SENP6: variants seen among roughly 807,000 people sequenced by gnomAD.
SENP6 encodes the protein sentrin-specific protease 6.
Under a neutral mutation model 134.5 loss-of-function variants are expected in SENP6, and 41 were observed. The ratio of observed to expected loss-of-function variants is 0.30; its 90% CI spans 0.24 to 0.40. The LOEUF is 0.40. SENP6 is among the 10% of genes least tolerant of loss of function. SENP6 has a pLI of 1.00. For missense variants in SENP6, 1,248 were observed against 1,312.5 expected (o/e 0.95, Z 0.76); for synonymous variants, 395 against 429.8 (o/e 0.92, Z 1.00).
intron 7 of SENP6, among the ~76,000 whole-genome samples, chr6:75,649,096 A>G (rs1336974706): frequency 6.6e-6 from 1 of 152,090 alleles, no homozygotes; most frequent in Admixed American, 6.5e-5. Flanking sequence ...ACCTGAGGTC[A>G]GGAATTCGAG....
At chr6:75,640,110 A>C (rs902384017) in intron 5 of SENP6, among the ~76,000 whole-genome samples, 1 of 152,188 alleles carries the variant, frequency 6.6e-6, no homozygotes, top group African/African-American at 2.4e-5. Context: ...AGTACAAAGG[A>C]GGTACCATGG....
chr6:75,603,264 C>A (rs886577318), intron 1 of SENP6, among the ~76,000 whole-genome samples: 1 of 152,090 alleles, frequency 6.6e-6, no homozygotes, highest in African/African-American at 2.4e-5. Flanking sequence ...TAGACTAAGC[C>A]AGCCTCAAGA....
At chr6:75,674,129 T>C (rs1445791281) in intron 11 of SENP6, among the ~76,000 whole-genome samples, 1 of 150,942 alleles carries the variant, frequency 6.6e-6, no homozygotes, top group East Asian at 1.9e-4. Context: ...TATGCTAGAA[T>C]GTTTCGCAAG....
chr6:75,613,182 T>C (rs1444093981), intron 1 of SENP6, among the ~76,000 whole-genome samples: 3 of 151,734 alleles, frequency 2.0e-5, no homozygotes, highest in Non-Finnish European at 2.9e-5. Flanking sequence ...TTTAAGAGGC[T>C]CATGAGCTCA....
chr6:75,654,563 A>G (rs1249364030), intron 7 of SENP6, among the ~76,000 whole-genome samples: 1 of 152,346 alleles, frequency 6.6e-6, no homozygotes, highest in South Asian at 2.1e-4. Context: ...CTTTAGTTTT[A>G]TTTTACACTG....
At chr6:75,706,858 A>T (rs1311415024) in intron 19 of SENP6, among the ~76,000 whole-genome samples, 2 of 152,254 alleles carry the variant, frequency 1.3e-5, no homozygotes, top group East Asian at 3.8e-4. Context: ...CAATGTGTGG[A>T]ATCACTACTT....
At chr6:75,712,980 G>A (rs1013126208) in intron 21 of SENP6, among the ~76,000 whole-genome samples, 6 of 151,956 alleles carry the variant, frequency 3.9e-5, no homozygotes, top group African/African-American at 4.8e-5. Flanking sequence ...GGTCACATAT[G>A]CCTGTAGTTA....
intron 16 of SENP6, among the ~76,000 whole-genome samples, chr6:75,684,495 T>G (rs563268985): frequency 6.6e-6 from 1 of 152,342 alleles, no homozygotes; most frequent in South Asian, 2.1e-4. Context: ...ATGGAATGCT[T>G]CCAGTTTTTG....
chr6:75,680,354 C>T (rs181702939), intron 16 of SENP6, among the ~76,000 whole-genome samples: 1 of 152,172 alleles, frequency 6.6e-6, no homozygotes, highest in African/African-American at 2.4e-5. Context: ...AGCAGTTGAG[C>T]AAATGGCGCT....
intron 3 of SENP6, among the ~76,000 whole-genome samples, chr6:75,631,546 T>A (rs1482328918): frequency 6.6e-6 from 1 of 152,246 alleles, no homozygotes; most frequent in Non-Finnish European, 1.5e-5. Flanking sequence ...CGTTTTTAAA[T>A]GCTTGGAAGA....
intron 16 of SENP6, among the ~76,000 whole-genome samples, chr6:75,684,878 C>G (rs559852995): frequency 8.6e-4 from 131 of 152,076 alleles, no homozygotes; most frequent in African/African-American, 3.1e-3. Flanking sequence ...TTGTGTGTCT[C>G]CCAGGCTTTG....
chr6:75,673,384 C>G (rs935290978), intron 11 of SENP6, among the ~76,000 whole-genome samples: 44 of 135,178 alleles, frequency 3.3e-4, no homozygotes, highest in Non-Finnish European at 5.5e-4. Flanking sequence ...AGTGCAGTGG[C>G]GCAATCTTGG....
Position 75,602,532 on chromosome 6 carries a change from C to T in SENP6, c.8C>T (p.Ala3Val). 2 of 1,551,430 alleles carry T rather than the reference C, an allele frequency of 1.3e-6. No individual in the cohort carries two copies. The highest frequency in any genetic ancestry group is 1.7e-6 in the Non-Finnish European group (2 of 1,146,900). MA[A>V]GKSGGSAGEI... ...CGGCGTGGGAGGAGGAAGATGGCGG[C>T]CGGCAAGAGCGGCGGTAGCGCAGGG... The change falls in exon 1 of 24, where the codon GCC becomes GTC. Residue 3 changes from alanine to valine, a missense_variant. Ala to Val is a moderately conservative substitution (Grantham distance 64). Around this residue, in one of 3 missense-constraint regions of SENP6, gnomAD observed 733 missense variants for 725.4 expected, o/e 1.01. Coordinates refer to ENST00000447266, the MANE Select transcript of SENP6 (RefSeq NM_015571.4).
intron 16 of SENP6, among the ~76,000 whole-genome samples, chr6:75,689,823 G>T (rs9352237): frequency 0.61 from 92,215 of 151,946 alleles, 28,332 homozygotes; most frequent in South Asian, 0.67. Flanking sequence ...AAGTACACTC[G>T]ATGATGCACA....
intron 16 of SENP6, among the ~76,000 whole-genome samples, chr6:75,693,671 G>C (rs1385099330): frequency 4.6e-5 from 7 of 152,146 alleles, no homozygotes; most frequent in Non-Finnish European, 8.8e-5. Context: ...ATTGAAACTT[G>C]AGCTTTGGAA....
chr6:75,620,095 A>G (rs1768156317), intron 1 of SENP6, among the ~76,000 whole-genome samples: 1 of 119,648 alleles, frequency 8.4e-6, no homozygotes, highest in Non-Finnish European at 1.7e-5. Context: ...AAAAAAAAAA[A>G]AAAAAAAAGA....
At position 75,666,701 on chromosome 6, in the gene SENP6, A is replaced by G. The variant is rs1346765358; in HGVS notation, c.995-11A>G. 2.4e-6 allele frequency: 3 copies of G among 1,270,568 alleles called. No homozygotes were observed. The highest frequency in any genetic ancestry group is 3.1e-6 in the Non-Finnish European group (3 of 956,778). The allele number at this position is 1,270,568 out of a possible 1,614,324, so 78.7% of individuals were successfully genotyped here. On this transcript the variant is annotated splice_polypyrimidine_tract_variant and intron_variant, in intron 9 of 23. Coordinates refer to ENST00000447266, the MANE Select transcript of SENP6 (RefSeq NM_015571.4). ...TTTAATATAAATTATAAATTATTAA[A>G]ATACTTTTAGTCATTTTGTCCAGTG... is the stretch of plus-strand genomic sequence containing the variant.
At chr6:75,690,771 C>G (rs1774185201) in intron 16 of SENP6, among the ~76,000 whole-genome samples, 1 of 151,564 alleles carries the variant, frequency 6.6e-6, no homozygotes, top group African/African-American at 2.4e-5. Context: ...TCTCGGCTCA[C>G]TGCAAGCTCC....
chr6:75,710,229 C>T (rs992247059), intron 20 of SENP6, among the ~76,000 whole-genome samples: 2 of 152,048 alleles, frequency 1.3e-5, no homozygotes, highest in Non-Finnish European at 2.9e-5. Context: ...TGTGTCATGG[C>T]AGAAGCAGAT....
Sources: gnomAD v4.1 joint callset for allele counts (sites outside exome capture counted in the v4.1 genomes callset) on GRCh38, gnomAD v4.1.1 for gene constraint, gnomAD v4.1.1 regional missense constraint, MANE v1.5 for transcripts, NCBI Gene and HGNC (gene_info 2026-07-23, HGNC 2026-07-21) for gene names.